ACSM2B: variants seen among roughly 807,000 people sequenced by gnomAD.
ACSM2B encodes the protein acyl-CoA synthetase medium chain family member 2B, also known as acyl-coenzyme A synthetase ACSM2B, mitochondrial.
ACSM2B carries 58 observed loss-of-function variants against 78.6 expected under a neutral mutation model. That is an observed-to-expected ratio of 0.74 (90% CI 0.60 to 0.92). ACSM2B has a LOEUF of 0.92. Ranked by LOEUF, ACSM2B falls within the 40% of genes least tolerant of loss-of-function variation. The probability of loss-of-function intolerance (pLI) is 0.00; values close to 1 mark genes in which losing one functional copy is unlikely to be tolerated. For missense variants in ACSM2B, 688 were observed against 711.2 expected, an observed-to-expected ratio of 0.97 and a Z score of 0.37; for synonymous variants, 257 against 256.8, an observed-to-expected ratio of 1.00 and a Z score of -0.01.
intron 12 of ACSM2B, 26 bp downstream of exon 12, chr16:20,542,888 C>G: frequency 6.2e-7 from 1 of 1,612,746 alleles, no homozygotes; most frequent in Middle Eastern, 1.7e-4. Context: ...TATCTGTTCA[C>G]CCCCAGGCTA....
chr16:20,553,908 G>T lies in ACSM2B; in HGVS notation c.609C>A (p.Thr203=). ...NFKKLLNEAS[T]THHCVETGSQ... ...TTCCAGTCTCCACACAGTGATGAGT[G>T]GTGGATGCCTCACTGACAAAGACAC... Residue 203 remains threonine, a synonymous_variant, in exon 5 of 14, where the codon ACC becomes ACA. Coordinates refer to ENST00000329697, the MANE Select transcript of ACSM2B (RefSeq NM_001105069.2). 1.2e-6 allele frequency: 2 copies of T among 1,613,664 alleles called. No individual in the cohort carries two copies. Among genetic ancestry groups the T allele is most frequent in the African/African-American group, 1.3e-5 (1 of 75,018 alleles).
At chr16:20,544,494 C>A (rs1453430594) in intron 10 of ACSM2B, 1 of 813,370 alleles carries the variant, frequency 1.2e-6, no homozygotes, top group Non-Finnish European at 1.5e-6. Flanking sequence ...ATGCTTGCCT[C>A]ATGGTATGCA....
chr16:20,560,462 G>A (rs1017105349), intron 2 of ACSM2B, among the ~76,000 whole-genome samples: 4 of 152,086 alleles, frequency 2.6e-5, no homozygotes, highest in South Asian at 2.1e-4. Flanking sequence ...CTTGCCCTTT[G>A]TTGTGCCTGC....
At chr16:20,564,615 A>G (rs2015762989) in intron 2 of ACSM2B, 54 bp downstream of exon 2, 2 of 1,582,862 alleles carry the variant, frequency 1.3e-6, no homozygotes. Context: ...TAATGGATGA[A>G]TTTTAAAAGT....
intron 5 of ACSM2B, among the ~76,000 whole-genome samples, chr16:20,553,118 T>C (rs77260326): frequency 0.1 from 15,526 of 152,226 alleles, 1,352 homozygotes; most frequent in East Asian, 0.49. Context: ...TTTCTGTCCC[T>C]ATGGGCTCAT....
At chr16:20,552,008 T>C in intron 6 of ACSM2B, 136 bp downstream of exon 6, 1 of 1,427,856 alleles carries the variant, frequency 7.0e-7, no homozygotes, top group Non-Finnish European at 9.4e-7. Context: ...CATTTCCATC[T>C]CGTTTACTGA....
intron 10 of ACSM2B, among the ~76,000 whole-genome samples, chr16:20,543,492 T>C (rs2015056607): frequency 6.6e-6 from 1 of 152,220 alleles, no homozygotes; most frequent in South Asian, 2.1e-4. Context: ...CTCCTCTAGG[T>C]CCAGTCTGAT....
At position 20,554,416 on chromosome 16, in the gene ACSM2B, T is replaced by C. The variant is rs1299323875; in HGVS notation, c.597-496A>G. ...ACATATCTCTTGGACATCTCCAGTG[T>C]CTTGATTTTGAACCTTTAAAAGCAG... On this transcript the variant is annotated intron_variant, in intron 4 of 13. Transcript: ENST00000329697. Among the ~76,000 whole-genome samples, 4 of 152,292 alleles carry C rather than the reference T, an allele frequency of 2.6e-5. No homozygotes were observed. In the East Asian group the frequency reaches 5.8e-4, roughly 22 times the overall value.
chr16:20,570,580 T>C (rs2016065035), intron 1 of ACSM2B, among the ~76,000 whole-genome samples: 1 of 151,924 alleles, frequency 6.6e-6, no homozygotes, highest in African/African-American at 2.4e-5. Flanking sequence ...CTTCATAGAA[T>C]GATTTAGGGA....
intron 3 of ACSM2B, among the ~76,000 whole-genome samples, chr16:20,558,131 T>G (rs967400482): frequency 6.6e-6 from 1 of 152,160 alleles, no homozygotes; most frequent in African/African-American, 2.4e-5. Flanking sequence ...CTCCGATAGA[T>G]TACATCATTA....
chr16:20,566,048 A>C (rs1257138087), intron 1 of ACSM2B, among the ~76,000 whole-genome samples: 2 of 148,566 alleles, frequency 1.3e-5, no homozygotes, highest in African/African-American at 4.9e-5. Flanking sequence ...ATATATGCAT[A>C]CTATATATGA....
chr16:20,552,288 G>C lies in ACSM2B; in HGVS notation c.750C>G (p.Gly250=), dbSNP rs757786864. Residue 250 remains glycine, a synonymous_variant, in exon 6 of 14, where the codon GGC becomes GGG. Transcript: ENST00000329697. ...LKAKMDAGWT[G]LQASDIMWTI... is the part of the protein sequence containing the mutation. Reference sequence around the variant, plus strand: ...TCCACATTATATCAGAGGCTTGCAGGCCTGTCCAACTGAAAACACAGACAA... The same window carrying C: ...TCCACATTATATCAGAGGCTTGCAGCCCTGTCCAACTGAAAACACAGACAA... 12 of 1,609,190 alleles carry C rather than the reference G, an allele frequency of 7.5e-6. No homozygotes were observed. The highest frequency in any genetic ancestry group is 5.1e-5 in the Admixed American group (3 of 58,904).
At chr16:20,540,626 G>T (rs750902641) in intron 13 of ACSM2B, 28 bp downstream of exon 13, 6 of 1,607,978 alleles carry the variant, frequency 3.7e-6, no homozygotes, top group Non-Finnish European at 4.2e-6. Flanking sequence ...TCTCAAGTTT[G>T]AGTGACTTGG....
chr16:20,566,658 A>AG (rs1349386376), intron 1 of ACSM2B, among the ~76,000 whole-genome samples: 1 of 7,346 alleles, frequency 1.4e-4, no homozygotes, highest in African/African-American at 3.5e-4. Flanking sequence ...TACTATATAT[A>AG]TGTATATATA....
At chr16:20,552,100 C>G in intron 6 of ACSM2B, 44 bp downstream of exon 6, 1 of 1,549,970 alleles carries the variant, frequency 6.5e-7, no homozygotes, top group East Asian at 2.3e-5. Flanking sequence ...GTGCAAACCT[C>G]GGGCTCACTC....
At chr16:20,561,764 G>T (rs2015662756) in intron 2 of ACSM2B, among the ~76,000 whole-genome samples, 2 of 150,636 alleles carry the variant, frequency 1.3e-5, no homozygotes, top group Admixed American at 1.3e-4. Flanking sequence ...TGCACAACGT[G>T]CACGTTTGTC....
chr16:20,569,876 A>G (rs941843438), intron 1 of ACSM2B, among the ~76,000 whole-genome samples: 2 of 151,892 alleles, frequency 1.3e-5, no homozygotes, highest in African/African-American at 4.8e-5. Context: ...CTATTAAAGT[A>G]TAGCAGAGCT....
At position 20,548,042 on chromosome 16, in the gene ACSM2B, G is replaced by A. The variant is rs1270544218; in HGVS notation, c.1098+20C>T. 6.2e-7 allele frequency: 1 copy of A among 1,613,614 alleles called. No individual in the cohort carries two copies. Among genetic ancestry groups the A allele is most frequent in the South Asian group, 1.1e-5 (1 of 91,048 alleles). ...GCCCAAAAAGTGCACACAGCCCATGGTTCCCCTGGGAACAGGTACCGTTTC... is the reference window on the plus strand; with the variant it reads ...GCCCAAAAAGTGCACACAGCCCATGATTCCCCTGGGAACAGGTACCGTTTC... On this transcript the variant is annotated intron_variant, in intron 8 of 13. Transcript: ENST00000329697.
chr16:20,549,545 T>G (rs565828602), intron 6 of ACSM2B: 1 of 201,132 alleles, frequency 5.0e-6, no homozygotes, highest in Admixed American at 5.7e-5. Flanking sequence ...ATCTCTTAAA[T>G]GCCCCACTGC....
Sources: gnomAD v4.1 joint callset for allele counts (sites outside exome capture counted in the v4.1 genomes callset) on GRCh38, gnomAD v4.1.1 for gene constraint, MANE v1.5 for transcripts, NCBI Gene and HGNC (gene_info 2026-07-23, HGNC 2026-07-21) for gene names.